Variants in ZBED4 observed in about 807,000 individuals in gnomAD.
ZBED4 encodes zinc finger BED-type containing 4.
Under a neutral mutation model 15.5 loss-of-function variants are expected in ZBED4, and 4 were observed. That is an observed-to-expected ratio of 0.26 (90% CI 0.13 to 0.59). The LOEUF is 0.59. ZBED4 is among the 20% of genes least tolerant of loss of function. The pLI, the probability that ZBED4 is intolerant of heterozygous loss-of-function variation, is 0.90. For synonymous variants in ZBED4, 692 were observed against 608.5 expected (o/e 1.14, Z -2.02); for missense variants, 1,323 against 1,461.8 (o/e 0.91, Z 1.55).
At chr22:49,857,828 C>G (rs738709) in intron 1 of ZBED4, among the ~76,000 whole-genome samples, 113,384 of 152,182 alleles carry the variant, frequency 0.75, 44,842 homozygotes, top group East Asian at 0.91. Context: ...ACAATCTCAG[C>G]TCCCTGCAAC....
intron 1 of ZBED4, among the ~76,000 whole-genome samples, chr22:49,862,942 T>G (rs1008776023): frequency 4.6e-5 from 7 of 152,112 alleles, no homozygotes; most frequent in African/African-American, 1.7e-4. Flanking sequence ...CCTTAGGTGA[T>G]CCACCTGCCT....
At chr22:49,856,907 C>T (rs913552871) in intron 1 of ZBED4, among the ~76,000 whole-genome samples, 1 of 152,144 alleles carries the variant, frequency 6.6e-6, no homozygotes, top group African/African-American at 2.4e-5. Context: ...TAGGTGAAGG[C>T]TTTTCAGCAG....
At position 49,878,080 on chromosome 22, in the gene ZBED4, G is replaced by C. The variant is rs964155274; in HGVS notation, c.-329-5254G>C. Among the ~76,000 whole-genome samples the C allele has an allele frequency of 5.9e-5, 9 of 151,946 alleles. 1 individual carries two copies. Among genetic ancestry groups the C allele is most frequent in the Admixed American group, 5.9e-4 (9 of 15,264 alleles). The stretch of plus-strand genomic sequence containing the variant: ...AGCACTTTGGGAGGCCGAGATGGGC[G>C]GATCACCTGAGGTCAGGAATTCAAG... On this transcript the variant is annotated intron_variant, in intron 1 of 1. Transcript: ENST00000216268.
chr22:49,885,032 T>C lies in ZBED4; in HGVS notation c.1370T>C (p.Leu457Pro). Residue 457 changes from leucine to proline, a missense_variant, in exon 2 of 2, where the codon CTG becomes CCG. Coordinates refer to ENST00000216268, the MANE Select transcript of ZBED4 (RefSeq NM_014838.3). ...CAGAATAAAAAGGTCATGAAAAGAC[T>C]GAAGTCGGAGGTCTGGCATCACTTC... is the stretch of plus-strand genomic sequence containing the variant. ...FQQNKKVMKR[L>P]KSEVWHHFSL... 1 of 1,612,852 alleles carries C rather than the reference T, an allele frequency of 6.2e-7. No homozygotes were observed. Among genetic ancestry groups the C allele is most frequent in the African/African-American group, 1.3e-5 (1 of 75,042 alleles).
At chr22:49,858,711 G>A (rs1242280860) in intron 1 of ZBED4, among the ~76,000 whole-genome samples, 2 of 152,214 alleles carry the variant, frequency 1.3e-5, no homozygotes, top group Non-Finnish European at 2.9e-5. Context: ...GTCATCGATG[G>A]CGTCTACAAA....
intron 1 of ZBED4, among the ~76,000 whole-genome samples, chr22:49,860,965 G>C (rs561542648): frequency 6.8e-6 from 1 of 147,436 alleles, no homozygotes; most frequent in South Asian, 2.2e-4. Context: ...CTTTAGTAGA[G>C]ATGGGGTTTC....
At chr22:49,858,919 G>A (rs1005080402) in intron 1 of ZBED4, among the ~76,000 whole-genome samples, 3 of 152,186 alleles carry the variant, frequency 2.0e-5, no homozygotes, top group Admixed American at 6.5e-5. Flanking sequence ...TTTGATACAG[G>A]GGCACGTTTG....
chr22:49,861,675 G>A (rs898710124), intron 1 of ZBED4, among the ~76,000 whole-genome samples: 11 of 152,054 alleles, frequency 7.2e-5, no homozygotes, highest in East Asian at 1.9e-4. Flanking sequence ...GGGCTCAAAC[G>A]ATTTACCTGC....
At chr22:49,881,123 A>G (rs1277466088) in intron 1 of ZBED4, among the ~76,000 whole-genome samples, 2 of 152,202 alleles carry the variant, frequency 1.3e-5, no homozygotes, top group African/African-American at 4.8e-5. Flanking sequence ...AGGCAGGTGG[A>G]TCACGTGAGG....
chr22:49,865,559 C>T (rs376489447), intron 1 of ZBED4, among the ~76,000 whole-genome samples: 3 of 152,216 alleles, frequency 2.0e-5, no homozygotes, highest in East Asian at 1.9e-4. Flanking sequence ...CCTGTAATCC[C>T]AGCTACTCAG....
chr22:49,878,560 AAATG>A (rs1165527285), intron 1 of ZBED4, among the ~76,000 whole-genome samples: 2 of 152,226 alleles, frequency 1.3e-5, no homozygotes, highest in African/African-American at 4.8e-5. Flanking sequence ...ATGTGCAAAA[AAATG>A]AACTTCAATC....
Position 49,884,323 on chromosome 22 carries a change from C to G in ZBED4, c.661C>G (p.Arg221Gly). The G allele has an allele frequency of 6.2e-7, 1 of 1,613,744 alleles. No individual in the cohort carries two copies. The change falls in exon 2 of 2, where the codon CGA becomes GGA. Residue 221 changes from arginine (R) to glycine (G), a missense_variant. Coordinates refer to ENST00000216268, the MANE Select transcript of ZBED4 (RefSeq NM_014838.3). ...GGCGTCTAAGATCCCGTCCCCCGAT[C>G]GAATAACAGAGGAGTCTGTGTCTGT... ...KVASKIPSPD[R>G]ITEESVSVVS...
At chr22:49,853,226 C>G (rs1338288333), upstream of ZBED4, 3 of 152,634 alleles carry the variant, frequency 2.0e-5, no homozygotes, top group Non-Finnish European at 4.4e-5. Context: ...GAGTCCCGTG[C>G]GCTCCGCACC....
chr22:49,870,943 A>ATTTTTT (rs61472662), intron 1 of ZBED4, among the ~76,000 whole-genome samples: 1 of 138,112 alleles, frequency 7.2e-6, no homozygotes, highest in South Asian at 2.3e-4. Flanking sequence ...TAAAAGATAG[A>ATTTTTT]TTTTTTTTTT....
intron 1 of ZBED4, among the ~76,000 whole-genome samples, chr22:49,865,342 CTG>C (rs891494349): frequency 1.1e-4 from 16 of 152,194 alleles, no homozygotes; most frequent in Admixed American, 2.0e-4. Context: ...CAGCACGTGA[CTG>C]TGTGTGTTAA....
At chr22:49,854,216 G>A (rs1295240910) in intron 1 of ZBED4, among the ~76,000 whole-genome samples, 3 of 147,654 alleles carry the variant, frequency 2.0e-5, no homozygotes, top group Non-Finnish European at 4.5e-5. Flanking sequence ...GGGCGGCGCC[G>A]ACTGAGCGGC....
At position 49,854,910 on chromosome 22, in the gene ZBED4, G is replaced by C. The variant is rs79920278; in HGVS notation, c.-330+921G>C. 1.1e-3 allele frequency among the ~76,000 whole-genome samples: 165 copies of C among 152,318 alleles called. 1 individual carries two copies. Among genetic ancestry groups the C allele is most frequent in the East Asian group, 2.1e-3 (11 of 5,192 alleles). ...GTTTGGTAAAGCAAGGGCATCCTGC[G>C]ACTTTTTACACAGAAATGTTTTTTA... On this transcript the variant is annotated intron_variant, in intron 1 of 1. Coordinates refer to ENST00000216268, the MANE Select transcript of ZBED4 (RefSeq NM_014838.3).
intron 1 of ZBED4, among the ~76,000 whole-genome samples, chr22:49,873,674 C>T (rs1192285520): frequency 1.4e-5 from 2 of 141,836 alleles, no homozygotes; most frequent in Non-Finnish European, 2.9e-5. Flanking sequence ...AGCAGTAAAG[C>T]GAGGTGCGGT....
rs1207242785 is a variant in ZBED4 at position 49,853,877 on chromosome 22, C to CGGGGCCGCGGGA, written c.-436_-425dup. Reference sequence around the variant, plus strand: ...CGGCGGCGTCGCGGGCGGCGGGCGGCGGGGCCGCGGGAGGGGCGCGGGGGC... The same window carrying CGGGGCCGCGGGA: ...CGGCGGCGTCGCGGGCGGCGGGCGGCGGGGCCGCGGGAGGGGCCGCGGGAGGGGCGCGGGGGC... On this transcript the variant is annotated 5_prime_UTR_variant, in exon 1 of 2. Transcript: ENST00000216268. 1 of 143,194 alleles carries CGGGGCCGCGGGA rather than the reference C, an allele frequency of 7.0e-6. No homozygotes were observed. The highest frequency in any genetic ancestry group is 1.5e-5 in the Non-Finnish European group (1 of 64,934). The allele number at this position is 143,194 out of a possible 1,614,324, so 8.9% of individuals were successfully genotyped here. A position where few individuals can be genotyped will look rare whatever the true frequency, so the allele number is the denominator to read the frequency against.
Sources: gnomAD v4.1 joint callset for allele counts (sites outside exome capture counted in the v4.1 genomes callset) on GRCh38, gnomAD v4.1.1 for gene constraint, MANE v1.5 for transcripts, NCBI Gene and HGNC (gene_info 2026-07-23, HGNC 2026-07-21) for gene names.